Variants in SLC25A6 observed in about 807,000 individuals in gnomAD.
SLC25A6 encodes solute carrier family 25 member 6.
A neutral mutation model predicts 25.7 loss-of-function variants in SLC25A6; 9 were observed. The observed-to-expected ratio is 0.35, with a 90% CI of 0.21 to 0.61. The LOEUF (loss-of-function observed/expected upper bound fraction) is 0.61, where lower values mean the gene tolerates loss of function less well. Ranked by LOEUF, SLC25A6 falls within the 20% of genes least tolerant of loss-of-function variation. The pLI is 0.76. For missense variants in SLC25A6, 404 were observed against 440.5 expected (o/e 0.92, Z 0.74); for synonymous variants, 223 against 197.0 (o/e 1.13, Z -1.11).
intron 1 of SLC25A6, among the ~76,000 whole-genome samples, chrX:1,390,648 C>G (rs1183200014): frequency 2.7e-5 from 4 of 150,666 alleles, no homozygotes; most frequent in African/African-American, 9.8e-5. Context: ...TCAAACGATC[C>G]TCCCTGGGCC....
chrX:1,389,959 CCAT>C (rs1169943069), intron 1 of SLC25A6, among the ~76,000 whole-genome samples: 1 of 152,042 alleles, frequency 6.6e-6, no homozygotes, highest in African/African-American at 2.4e-5. Flanking sequence ...GAGCGTTCCA[CCAT>C]GTTAGTCAGG....
chrX:1,389,407 G>A lies in SLC25A6; in HGVS notation c.432C>T (p.Asp144=), dbSNP rs148609560. The A allele has an allele frequency of 1.1e-5, 18 of 1,613,762 alleles. No homozygotes were observed. In the East Asian group the frequency reaches 1.6e-4, roughly 14 times the overall value. ...LDFARTRLAA[D]VGKSGTEREF... is the part of the protein sequence containing the mutation. The stretch of plus-strand genomic sequence containing the variant: ...CGCGCTCTGTGCCTGACTTTCCCAC[G>A]TCCGCTGCCAGGCGGGTTCTGGCGA... Residue 144 remains aspartate (D), a synonymous_variant, in exon 2 of 4, where the codon GAC becomes GAT. Transcript: ENST00000381401.
chrX:1,387,265 G>C lies in SLC25A6; in HGVS notation c.739+14C>G. ...CCCTTCCCGGCAGCAAGGGTCCCCC[G>C]CCCCCCCGAGTACCTCCTTTGCGCC... On this transcript the variant is annotated intron_variant, in intron 3 of 3. Transcript: ENST00000381401. The C allele has an allele frequency of 1.2e-6, 2 of 1,609,090 alleles. No homozygotes were observed. The highest frequency in any genetic ancestry group is 1.7e-6 in the Non-Finnish European group (2 of 1,177,650).
In SLC25A6 at chrX:1,391,156, G is replaced by A. The variant is rs2089403633; in HGVS notation, c.111+743C>T. The stretch of plus-strand genomic sequence containing the variant: ...GTTAAAATAATTTTTTTTGAGGTGA[G>A]GTCTTGCTGTGTGGCCCCGGCTGCT... On this transcript the variant is annotated intron_variant, in intron 1 of 3. Coordinates refer to ENST00000381401, the MANE Select transcript of SLC25A6 (RefSeq NM_001636.4). 3.3e-5 allele frequency among the ~76,000 whole-genome samples: 5 copies of A among 151,550 alleles called. 1 individual carries two copies. The South Asian group carries it at 1.0e-3, about 32-fold the overall frequency.
At chrX:1,391,769 G>C (rs1419904303) in intron 1 of SLC25A6, 130 bp downstream of exon 1, 5 of 664,392 alleles carry the variant, frequency 7.5e-6, no homozygotes, top group South Asian at 5.8e-5. Flanking sequence ...CCGGCGGCGC[G>C]TGGACAAAGC....
Position 1,386,729 on chromosome X carries a change from C to T in SLC25A6, c.770G>A (p.Cys257Tyr). Residue 257 changes from cysteine to tyrosine, a missense_variant, in exon 4 of 4, where the codon TGT becomes TAT. Transcript: ENST00000381401. The part of the protein sequence containing the change: ...ADIMYTGTVD[C>Y]WRKIFRDEGG... ...CTCATCTCTGAAGATCTTCCTCCAA[C>T]AGTCGACGGTGCCCGTGTACATGAT... is the stretch of plus-strand genomic sequence containing the variant. 3 of 1,612,382 alleles carry T rather than the reference C, an allele frequency of 1.9e-6. No individual in the cohort carries two copies. The highest frequency in any genetic ancestry group is 2.5e-6 in the Non-Finnish European group (3 of 1,179,006).
chrX:1,386,369 A>G lies in SLC25A6; in HGVS notation c.*233T>C. Reference sequence around the variant, plus strand: ...AGTGTCTCACCCATGGGCCCCACGCAGGGACGCCACGGTTCCCTCCCACCC... The same window carrying G: ...AGTGTCTCACCCATGGGCCCCACGCGGGGACGCCACGGTTCCCTCCCACCC... On this transcript the variant is annotated 3_prime_UTR_variant, in exon 4 of 4. Transcript: ENST00000381401. 2.0e-6 allele frequency: 1 copy of G among 491,284 alleles called. No homozygotes were observed. The highest frequency in any genetic ancestry group is 3.4e-6 in the Non-Finnish European group (1 of 291,550). 30.4% of individuals were successfully genotyped at this position (491,284 alleles called of 1,614,324 possible).
At chrX:1,390,509 C>T (rs1365791465) in intron 1 of SLC25A6, among the ~76,000 whole-genome samples, 68 of 150,012 alleles carry the variant, frequency 4.5e-4, no homozygotes, top group African/African-American at 1.5e-3. Flanking sequence ...ACCCAGGAGG[C>T]GGAGGCTACA....
In SLC25A6 at chrX:1,386,275, TG is replaced by T; in HGVS notation, c.*326del. ...TACAAATGGGAAAACGTGATTCTTT[TG>T]TTTTAAATAAATACTTAGAACACGA... On this transcript the variant is annotated 3_prime_UTR_variant, in exon 4 of 4. Coordinates refer to ENST00000381401, the MANE Select transcript of SLC25A6 (RefSeq NM_001636.4). 1 of 316,336 alleles carries T rather than the reference TG, an allele frequency of 3.2e-6. No homozygotes were observed. The highest frequency in any genetic ancestry group is 1.4e-4 in the South Asian group (1 of 7,136). The allele number at this position is 316,336 out of a possible 1,614,324, so 19.6% of individuals were successfully genotyped here. A position where few individuals can be genotyped will look rare whatever the true frequency, so the allele number is the denominator to read the frequency against.
In SLC25A6 at chrX:1,387,165, T is replaced by G. The variant is rs775062692; in HGVS notation, c.739+114A>C. The G allele has an allele frequency of 1.2e-5, 16 of 1,318,780 alleles. No homozygotes were observed. In the East Asian group the frequency reaches 3.7e-4, roughly 31 times the overall value. The allele number at this position is 1,318,780 out of a possible 1,614,324, so 81.7% of individuals were successfully genotyped here. On this transcript the variant is annotated intron_variant, in intron 3 of 3. Transcript: ENST00000381401. ...CAGGTTACTTTCGGACACACTTGCTTGTCTCACACGCCCTGGAAGTGCCTC... is the reference window on the plus strand; with the variant it reads ...CAGGTTACTTTCGGACACACTTGCTGGTCTCACACGCCCTGGAAGTGCCTC...
intron 2 of SLC25A6, among the ~76,000 whole-genome samples, chrX:1,389,007 C>G (rs1489026447): frequency 6.6e-6 from 1 of 151,380 alleles, no homozygotes; most frequent in Non-Finnish European, 1.5e-5. Context: ...GTGATAGCAG[C>G]CTGAAATGGA....
At chrX:1,388,840 C>T (rs1242758395) in intron 2 of SLC25A6, among the ~76,000 whole-genome samples, 2 of 143,462 alleles carry the variant, frequency 1.4e-5, no homozygotes, top group Admixed American at 7.0e-5. Flanking sequence ...GAGGGACGAC[C>T]CCGTGAGGGC....
intron 2 of SLC25A6, among the ~76,000 whole-genome samples, chrX:1,388,946 T>A (rs776676374): frequency 3.1e-4 from 39 of 124,578 alleles, no homozygotes; most frequent in Non-Finnish European, 5.3e-4. Flanking sequence ...CCTCCAGGAC[T>A]GTAGGAAAAT....
intron 3 of SLC25A6, 51 bp from the exon 4 acceptor site, chrX:1,386,810 A>G (rs368435975): frequency 3.2e-6 from 5 of 1,575,816 alleles, no homozygotes; most frequent in Non-Finnish European, 4.3e-6. Context: ...TCTTCAAGAC[A>G]CGGACGCCAC....
At chrX:1,390,054 C>T (rs1203387379) in intron 1 of SLC25A6, 2 of 423,136 alleles carry the variant, frequency 4.7e-6, no homozygotes, top group Non-Finnish European at 8.6e-6. Flanking sequence ...TGCTGTTACC[C>T]GGGTTTGAGT....
At chrX:1,391,219 C>T (rs2089404678) in intron 1 of SLC25A6, among the ~76,000 whole-genome samples, 1 of 152,138 alleles carries the variant, frequency 6.6e-6, no homozygotes, top group African/African-American at 2.4e-5. Context: ...CCCCGGGCCT[C>T]TCAAAAGCGC....
chrX:1,388,302 T>C (rs1484799030), intron 2 of SLC25A6, among the ~76,000 whole-genome samples: 1 of 150,224 alleles, frequency 6.7e-6, no homozygotes, highest in Non-Finnish European at 1.5e-5. Flanking sequence ...ACCCACTCTA[T>C]GGTATTCTGT....
chrX:1,388,433 G>A (rs1293057461), intron 2 of SLC25A6, among the ~76,000 whole-genome samples: 2 of 151,776 alleles, frequency 1.3e-5, no homozygotes, highest in Non-Finnish European at 2.9e-5. Context: ...CCAGGAGAGA[G>A]GCCTCAGGAG....
In SLC25A6 at chrX:1,386,733, C is replaced by T. The variant is rs376883567; in HGVS notation, c.766G>A (p.Asp256Asn). 4.4e-5 allele frequency: 71 copies of T among 1,611,226 alleles called. No homozygotes were observed. The highest frequency in any genetic ancestry group is 5.4e-5 in the Non-Finnish European group (64 of 1,178,580). Residue 256 changes from aspartate to asparagine, a missense_variant, in exon 4 of 4, where the codon GAC becomes AAC. Coordinates refer to ENST00000381401, the MANE Select transcript of SLC25A6 (RefSeq NM_001636.4). ...GADIMYTGTV[D>N]CWRKIFRDEG... ...TCTCTGAAGATCTTCCTCCAACAGTCGACGGTGCCCGTGTACATGATGTCA... is the reference window on the plus strand; with the variant it reads ...TCTCTGAAGATCTTCCTCCAACAGTTGACGGTGCCCGTGTACATGATGTCA...
Sources: allele counts gnomAD v4.1 joint callset (sites outside exome capture counted in the v4.1 genomes callset), GRCh38; gene constraint gnomAD v4.1.1; transcripts MANE v1.5; gene names NCBI Gene and HGNC (gene_info 2026-07-23, HGNC 2026-07-21).